The following IMPG1 variants were observed in gnomAD, a reference collection of about 807,000 sequenced individuals.
The protein encoded by IMPG1 is interphotoreceptor matrix proteoglycan of 150 kDa.
A neutral mutation model predicts 92.0 loss-of-function variants in IMPG1; 85 were observed. The observed-to-expected ratio is 0.92, with a 90% CI of 0.78 to 1.11. IMPG1 has a LOEUF of 1.11. Among genes scored for constraint, IMPG1 ranks in the 50% least tolerant of loss-of-function variants. The pLI is 0.00. For missense variants in IMPG1, 1,022 were observed against 956.0 expected (o/e 1.07, Z -0.91); for synonymous variants, 367 against 334.1 (o/e 1.10, Z -1.08).
At chr6:76,061,175 G>A (rs1197043076) in intron 1 of IMPG1, among the ~76,000 whole-genome samples, 1 of 152,198 alleles carries the variant, frequency 6.6e-6, no homozygotes, top group Non-Finnish European at 1.5e-5. Flanking sequence ...CCACAAGGCA[G>A]CAAGTGTTTT....
At chr6:75,928,312 G>A (rs1239207379) in intron 15 of IMPG1, among the ~76,000 whole-genome samples, 3 of 152,014 alleles carry the variant, frequency 2.0e-5, no homozygotes, top group Admixed American at 2.0e-4. Context: ...TGATTCTCCT[G>A]CCTCAGCCTC....
chr6:76,041,866 G>A (rs768191973), intron 2 of IMPG1, 27 bp downstream of exon 2: 2 of 1,443,988 alleles, frequency 1.4e-6, no homozygotes, highest in South Asian at 1.1e-5. Context: ...ATAACACAAG[G>A]CTAAACGGTT....
At position 76,045,041 on chromosome 6, in the gene IMPG1, C is replaced by T. The variant is rs548202077; in HGVS notation, c.68-2915G>A. ...CCTATTCTCCACATGTCAGCAAGTACACACAGCTGGGGGTCTACAAGGGTG... is the reference window on the plus strand; with the variant it reads ...CCTATTCTCCACATGTCAGCAAGTATACACAGCTGGGGGTCTACAAGGGTG... On this transcript the variant is annotated intron_variant, in intron 1 of 16. Transcript: ENST00000369950. Among the ~76,000 whole-genome samples, 20 of 152,256 alleles carry T rather than the reference C, an allele frequency of 1.3e-4. No homozygotes were observed. In the South Asian group the frequency reaches 3.9e-3, roughly 30 times the overall value.
chr6:76,015,253 GC>G (rs1783264480), intron 7 of IMPG1, among the ~76,000 whole-genome samples: 5 of 152,182 alleles, frequency 3.3e-5, no homozygotes, highest in Admixed American at 3.3e-4. Context: ...TCCTGATTAG[GC>G]CTGAATGTGC....
chr6:76,036,708 AAAAGTAACCATGTGACATTTCCTACT>A (rs1283509222), intron 2 of IMPG1, among the ~76,000 whole-genome samples: 2 of 152,314 alleles, frequency 1.3e-5, no homozygotes, highest in East Asian at 3.9e-4. Flanking sequence ...TGTGTGGAGA[AAAAGTAACCATGTGACATTTCCTACT>A]GTTAAGAAGA....
chr6:75,985,169 T>C (rs1346634736), intron 12 of IMPG1, among the ~76,000 whole-genome samples: 1 of 152,236 alleles, frequency 6.6e-6, no homozygotes, highest in African/African-American at 2.4e-5. Flanking sequence ...AAATTCCTGA[T>C]ATTTGTGATT....
chr6:75,981,532 C>T (rs1782628188), intron 12 of IMPG1, among the ~76,000 whole-genome samples: 1 of 152,186 alleles, frequency 6.6e-6, no homozygotes. Context: ...TGTTGTCAGT[C>T]TAAGCTAGTC....
intron 12 of IMPG1, among the ~76,000 whole-genome samples, chr6:75,988,323 G>A (rs1782756494): frequency 6.6e-6 from 1 of 152,180 alleles, no homozygotes; most frequent in Admixed American, 6.5e-5. Flanking sequence ...TCTAACTGGT[G>A]TGAGATGATA....
intron 12 of IMPG1, among the ~76,000 whole-genome samples, chr6:75,983,112 T>C (rs1461083433): frequency 6.6e-6 from 1 of 151,808 alleles, no homozygotes; most frequent in East Asian, 1.9e-4. Context: ...TCTCAAATGA[T>C]TATGCAGTTT....
chr6:76,026,709 G>GT lies in IMPG1; in HGVS notation c.498-1452dup, dbSNP rs898004586. On this transcript the variant is annotated intron_variant, in intron 4 of 16. Transcript: ENST00000369950. ...GGTTCTTCCCCAGGCATTTTTAAAT[G>GT]TTTTTTTTTCTTTTCTCTTCTCCAC... is the stretch of plus-strand genomic sequence containing the variant. Among the ~76,000 whole-genome samples the GT allele has an allele frequency of 2.4e-4, 37 of 151,568 alleles. 1 individual carries two copies. Among genetic ancestry groups the GT allele is most frequent in the Middle Eastern group, 3.4e-3 (1 of 290 alleles).
At chr6:76,038,965 G>A (rs1783789080) in intron 2 of IMPG1, among the ~76,000 whole-genome samples, 1 of 152,230 alleles carries the variant, frequency 6.6e-6, no homozygotes, top group Non-Finnish European at 1.5e-5. Context: ...ACAGGGTTGT[G>A]CACACATTAG....
intron 12 of IMPG1, among the ~76,000 whole-genome samples, chr6:75,958,489 T>C (rs1360050513): frequency 6.6e-6 from 1 of 152,226 alleles, no homozygotes; most frequent in East Asian, 1.9e-4. Flanking sequence ...TTTTCCAACT[T>C]GGTTCCATTC....
intron 6 of IMPG1, among the ~76,000 whole-genome samples, chr6:76,019,103 TTCTC>T (rs1245566480): frequency 6.6e-6 from 1 of 152,154 alleles, no homozygotes; most frequent in East Asian, 1.9e-4. Flanking sequence ...AGTTTGAAAT[TTCTC>T]TCAGAAGGAA....
intron 1 of IMPG1, among the ~76,000 whole-genome samples, chr6:76,047,298 G>A (rs1783961724): frequency 6.6e-6 from 1 of 152,110 alleles, no homozygotes; most frequent in African/African-American, 2.4e-5. Flanking sequence ...TTTCTTTTAA[G>A]AGCCAGTGAA....
At chr6:76,064,783 G>C (rs192516884) in intron 1 of IMPG1, among the ~76,000 whole-genome samples, 111 of 152,284 alleles carry the variant, frequency 7.3e-4, no homozygotes, top group Non-Finnish European at 1.3e-3. Context: ...TTCTGCTTCA[G>C]CTGGCTCTTA....
intron 12 of IMPG1, among the ~76,000 whole-genome samples, chr6:76,000,181 G>C (rs963847570): frequency 1.3e-5 from 2 of 152,206 alleles, no homozygotes; most frequent in Non-Finnish European, 2.9e-5. Flanking sequence ...GTCAAATCAT[G>C]AAGCATCTAA....
intron 12 of IMPG1, among the ~76,000 whole-genome samples, chr6:75,965,015 TTG>T (rs1456236873): frequency 1.3e-5 from 2 of 152,196 alleles, no homozygotes; most frequent in African/African-American, 2.4e-5. Flanking sequence ...TTCATCCAAA[TTG>T]TGTGTATCAA....
rs116218674 is a variant in IMPG1 at position 76,004,185 on chromosome 6, G to A, written c.1136-235C>T. Among the ~76,000 whole-genome samples the A allele has an allele frequency of 2.2e-3, 338 of 152,252 alleles. 3 individuals are homozygous for A. Among genetic ancestry groups the A allele is most frequent in the African/African-American group, 7.9e-3 (330 of 41,546 alleles). Reference sequence around the variant, plus strand: ...ATGTGATAAGAATAGTTATTAGGGTGGATTTTTAGGGTGCTCAGTTTTATT... The same window carrying A: ...ATGTGATAAGAATAGTTATTAGGGTAGATTTTTAGGGTGCTCAGTTTTATT... On this transcript the variant is annotated intron_variant, in intron 10 of 16. Transcript: ENST00000369950.
chr6:75,958,364 TG>T (rs1782162801), intron 12 of IMPG1, among the ~76,000 whole-genome samples: 2 of 152,162 alleles, frequency 1.3e-5, no homozygotes, highest in Admixed American at 1.3e-4. Context: ...TTATGTGTCT[TG>T]GGGTTGCTTT....
Sources: gnomAD v4.1 joint callset for allele counts (sites outside exome capture counted in the v4.1 genomes callset) on GRCh38, gnomAD v4.1.1 for gene constraint, MANE v1.5 for transcripts, NCBI Gene and HGNC (gene_info 2026-07-23, HGNC 2026-07-21) for gene names.